DMD: variants seen among roughly 807,000 people sequenced by gnomAD.
DMD encodes mutant dystrophin.
A neutral mutation model predicts 330.1 loss-of-function variants in DMD; 63 were observed. The ratio of observed to expected loss-of-function variants is 0.19; its 90% CI spans 0.16 to 0.24. The LOEUF (loss-of-function observed/expected upper bound fraction) is 0.24, where lower values mean the gene tolerates loss of function less well. DMD is among the 10% of genes least tolerant of loss of function. DMD has a pLI of 1.00. For synonymous variants in DMD, 1,223 were observed against 959.8 expected (o/e 1.27, Z -5.07); for missense variants, 3,344 against 2,684.1 (o/e 1.25, Z -5.43).
chrX:31,215,163 G>A (rs1295993687), intron 64 of DMD, among the ~76,000 whole-genome samples: 2 of 107,762 alleles, frequency 1.9e-5, no homozygotes, highest in Non-Finnish European at 3.8e-5. Context: ...GGATGGCCTC[G>A]AACTCCTGAC....
chrX:31,411,660 G>C (rs1377436098), intron 60 of DMD, among the ~76,000 whole-genome samples: 1 of 110,759 alleles, frequency 9.0e-6, no homozygotes, highest in African/African-American at 3.3e-5. Context: ...TTTTGAGTTA[G>C]AGTCTCACTG....
At chrX:32,756,482 C>T (rs1277852819) in intron 7 of DMD, 1 of 111,793 alleles carries the variant, frequency 8.9e-6, no homozygotes, top group Non-Finnish European at 1.9e-5. Context: ...AGAACAAACA[C>T]ATCTCTTCAA....
At chrX:32,224,868 T>C (rs1177414533) in intron 43 of DMD, among the ~76,000 whole-genome samples, 2 of 111,827 alleles carry the variant, frequency 1.8e-5, no homozygotes, top group African/African-American at 6.5e-5. Flanking sequence ...TTATCCCCTC[T>C]CTTCGCTGTT....
chrX:32,071,893 T>C (rs1341735607), intron 44 of DMD, among the ~76,000 whole-genome samples: 5 of 111,778 alleles, frequency 4.5e-5, no homozygotes, highest in Non-Finnish European at 7.5e-5. Flanking sequence ...TTCAATGATA[T>C]GTATGAAGAG....
intron 48 of DMD, among the ~76,000 whole-genome samples, chrX:31,837,754 GTTTGTACCTGTTCCCTCTCAGTTCA>G (rs2093234739): frequency 9.0e-6 from 1 of 111,715 alleles, no homozygotes; most frequent in East Asian, 2.8e-4. Flanking sequence ...CGTATACTGT[GTTTGTACCTGTTCCCTCTCAGTTCA>G]TTAGTAGGAA....
intron 62 of DMD, among the ~76,000 whole-genome samples, chrX:31,303,542 C>G (rs1356596003): frequency 9.0e-6 from 1 of 111,534 alleles, no homozygotes; most frequent in African/African-American, 3.3e-5. Context: ...ATCCTCAAAT[C>G]TTAAGGATTT....
intron 1 of DMD, among the ~76,000 whole-genome samples, chrX:33,109,399 T>G (rs191086321): frequency 8.9e-6 from 1 of 112,087 alleles, no homozygotes; most frequent in Non-Finnish European, 1.9e-5. Context: ...TTCAGTCCGG[T>G]TTGTTTCTTC....
chrX:31,862,468 A>G (rs2093723492), intron 48 of DMD, among the ~76,000 whole-genome samples: 1 of 111,371 alleles, frequency 9.0e-6, no homozygotes, highest in Non-Finnish European at 1.9e-5. Context: ...TACAGGGATA[A>G]ATTTACCCCC....
intron 1 of DMD, among the ~76,000 whole-genome samples, chrX:33,219,306 TTGTGTGTGTGTG>T (rs56332488): frequency 0.039 from 2,814 of 72,951 alleles, 132 homozygotes; most frequent in African/African-American, 0.11. Context: ...TTAGAGATTA[TTGTGTGTGTGTG>T]TGTGTGTGTG....
chrX:33,024,156 G>C (rs1364149183), intron 1 of DMD, among the ~76,000 whole-genome samples: 2 of 111,507 alleles, frequency 1.8e-5, no homozygotes, highest in African/African-American at 6.5e-5. Context: ...TATTTCTGTA[G>C]TCACATAGTC....
intron 52 of DMD, among the ~76,000 whole-genome samples, chrX:31,729,095 G>C (rs945504119): frequency 1.8e-5 from 2 of 112,183 alleles, no homozygotes; most frequent in Admixed American, 1.9e-4. Flanking sequence ...ACAGCGTCTA[G>C]TCAGATGGGT....
At chrX:32,725,565 G>A (rs1164523974) in intron 7 of DMD, among the ~76,000 whole-genome samples, 1 of 110,146 alleles carries the variant, frequency 9.1e-6, no homozygotes, top group Non-Finnish European at 1.9e-5. Flanking sequence ...ATGAGAAAGG[G>A]GTCAATTCAG....
chrX:32,714,527 A>G (rs1051728308), intron 7 of DMD, among the ~76,000 whole-genome samples: 1 of 111,734 alleles, frequency 8.9e-6, no homozygotes, highest in Non-Finnish European at 1.9e-5. Flanking sequence ...TTAGTATTCC[A>G]TTATATATAC....
chrX:31,517,909 T>G, intron 55 of DMD, among the ~76,000 whole-genome samples: 1 of 90,567 alleles, frequency 1.1e-5, no homozygotes, highest in Non-Finnish European at 2.1e-5. Context: ...ATACATATGC[T>G]GTGTTTCAAA....
chrX:32,226,522 A>T (rs1407655040), intron 43 of DMD, among the ~76,000 whole-genome samples: 1 of 111,885 alleles, frequency 8.9e-6, no homozygotes, highest in Non-Finnish European at 1.9e-5. Context: ...TGTTTTATGC[A>T]CCTTTGAATT....
intron 67 of DMD, among the ~76,000 whole-genome samples, chrX:31,194,597 G>A (rs760946278): frequency 2.7e-5 from 3 of 112,333 alleles, no homozygotes; most frequent in African/African-American, 9.7e-5. Context: ...AGCAACCATG[G>A]ATTGAACAGA....
In DMD at chrX:32,997,080, G is replaced by A. The variant is rs1050621507; in HGVS notation, c.93+23059C>T. Among the ~76,000 whole-genome samples the A allele has an allele frequency of 9.9e-5, 11 of 111,029 alleles. No individual in the cohort carries two copies. The South Asian group carries it at 4.1e-3, about 42-fold the overall frequency. ...ATATGTTGGATAGTAGTGATGTCTG[G>A]TCTTCTAGTGAAACCATCACTCCAA... On this transcript the variant is annotated intron_variant, in intron 2 of 78. Transcript: ENST00000357033.
rs2042668612 is a variant in DMD at position 31,194,243 on chromosome X, T to C, written c.9807+9718A>G. 2.7e-5 allele frequency among the ~76,000 whole-genome samples: 3 copies of C among 111,415 alleles called. No individual in the cohort carries two copies. In the South Asian group the frequency reaches 1.1e-3, roughly 43 times the overall value. Reference sequence around the variant, plus strand: ...TGCTGGGAGACTGTTCAAAACTAAATGAAGGTACAGAGACATGACAGACAA... The same window carrying C: ...TGCTGGGAGACTGTTCAAAACTAAACGAAGGTACAGAGACATGACAGACAA... On this transcript the variant is annotated intron_variant, in intron 67 of 78. Transcript: ENST00000357033.
intron 1 of DMD, among the ~76,000 whole-genome samples, chrX:33,171,594 A>G (rs147829130): frequency 0.021 from 2,341 of 111,290 alleles, 60 homozygotes; most frequent in African/African-American, 0.072. Context: ...TTCTATGTAT[A>G]TGATTTTTGC....
Sources: gnomAD v4.1 joint callset for allele counts (sites outside exome capture counted in the v4.1 genomes callset) on GRCh38, gnomAD v4.1.1 for gene constraint, MANE v1.5 for transcripts, NCBI Gene and HGNC (gene_info 2026-07-23, HGNC 2026-07-21) for gene names.